The following GTPBP10 variants were observed in gnomAD, a reference collection of about 807,000 sequenced individuals.
The protein encoded by GTPBP10 is GTP binding protein 10.
In GTPBP10, 38 loss-of-function variants were observed where a neutral mutation model predicts 44.8. The observed-to-expected ratio is 0.85, with a 90% confidence interval of 0.65 to 1.11. The LOEUF is 1.11. Among genes scored for constraint, GTPBP10 ranks in the 50% most tolerant of loss-of-function variants. The pLI is 0.00. For missense variants in GTPBP10, 462 were observed against 453.7 expected, an observed-to-expected ratio of 1.02 and a Z score of -0.17; for synonymous variants, 152 against 150.6, an observed-to-expected ratio of 1.01 and a Z score of -0.07.
intron 4 of GTPBP10, among the ~76,000 whole-genome samples, chr7:90,366,064 G>GT (rs1264197064): frequency 2.0e-5 from 3 of 152,176 alleles, no homozygotes; most frequent in African/African-American, 7.2e-5. Context: ...GATGGATTAG[G>GT]TTTATTGATT....
At position 90,390,996 on chromosome 7, in the gene GTPBP10, A is replaced by G. The variant is rs1253144240; in HGVS notation, c.*5842A>G. 3 of 152,220 alleles carry G rather than the reference A, an allele frequency of 2.0e-5. No homozygotes were observed. The highest frequency in any genetic ancestry group is 7.2e-5 in the African/African-American group (3 of 41,464). 9.4% of individuals were successfully genotyped at this position (152,220 alleles called of 1,614,324 possible). A position where few individuals can be genotyped will look rare whatever the true frequency, so the allele number is the denominator to read the frequency against. On this transcript the variant is annotated 3_prime_UTR_variant, in exon 10 of 10. Transcript: ENST00000222511. Reference sequence around the variant, plus strand: ...TTGGATGGATTTGAAACATGATTAAATGACAGAGTAAATAAAAGCCCCTAG... The same window carrying G: ...TTGGATGGATTTGAAACATGATTAAGTGACAGAGTAAATAAAAGCCCCTAG...
chr7:90,388,139 G>T lies in GTPBP10; in HGVS notation c.*2985G>T, dbSNP rs1299466147. 6.6e-6 allele frequency: 1 copy of T among 152,084 alleles called. No individual in the cohort carries two copies. The highest frequency in any genetic ancestry group is 2.4e-5 in the African/African-American group (1 of 41,392). The allele number at this position is 152,084 out of a possible 1,614,324, so 9.4% of individuals were successfully genotyped here. On this transcript the variant is annotated 3_prime_UTR_variant, in exon 10 of 10. Coordinates refer to ENST00000222511, the MANE Select transcript of GTPBP10 (RefSeq NM_033107.4). ...TCTGGTTACTCAAAGTGTACTCTATGTACCTTTTTTTGACCTTTGATTTTT... is the reference window on the plus strand; with the variant it reads ...TCTGGTTACTCAAAGTGTACTCTATTTACCTTTTTTTGACCTTTGATTTTT...
chr7:90,351,265 T>G (rs1027410713), intron 1 of GTPBP10, among the ~76,000 whole-genome samples: 2 of 152,238 alleles, frequency 1.3e-5, no homozygotes, highest in African/African-American at 4.8e-5. Flanking sequence ...TGTGTAAGTT[T>G]TGATAAATTT....
chr7:90,357,743 G>C (rs1795933220), intron 4 of GTPBP10, among the ~76,000 whole-genome samples: 1 of 152,134 alleles, frequency 6.6e-6, no homozygotes, highest in Non-Finnish European at 1.5e-5. Flanking sequence ...ATATATGAAT[G>C]AGATTTAGCA....
intron 1 of GTPBP10, among the ~76,000 whole-genome samples, chr7:90,350,302 T>C (rs1795765388): frequency 6.6e-6 from 1 of 152,226 alleles, no homozygotes; most frequent in Non-Finnish European, 1.5e-5. Context: ...CAGTCTATCA[T>C]TGATGGACAT....
At chr7:90,352,248 C>A (rs17862153) in intron 1 of GTPBP10, among the ~76,000 whole-genome samples, 5,172 of 152,122 alleles carry the variant, frequency 0.034, 122 homozygotes, top group South Asian at 0.057. Flanking sequence ...AATATGTAAA[C>A]CATGGTTCTG....
intron 5 of GTPBP10, among the ~76,000 whole-genome samples, chr7:90,372,724 G>T (rs1796282178): frequency 6.6e-6 from 1 of 151,850 alleles, no homozygotes; most frequent in African/African-American, 2.4e-5. Context: ...TCGTTTATTT[G>T]GTTTAGTTAG....
At chr7:90,359,863 T>A (rs1206294798) in intron 4 of GTPBP10, among the ~76,000 whole-genome samples, 1 of 152,256 alleles carries the variant, frequency 6.6e-6, no homozygotes, top group Non-Finnish European at 1.5e-5. Context: ...TATCTCCTTG[T>A]GGTTTTGATT....
chr7:90,361,175 A>G (rs907325128), intron 4 of GTPBP10, among the ~76,000 whole-genome samples: 3 of 152,182 alleles, frequency 2.0e-5, no homozygotes, highest in Admixed American at 6.5e-5. Context: ...ACTATGTTGA[A>G]TAGAAGTGGC....
At chr7:90,356,033 C>A (rs1429851932) in intron 4 of GTPBP10, among the ~76,000 whole-genome samples, 1 of 146,240 alleles carries the variant, frequency 6.8e-6, no homozygotes, top group Non-Finnish European at 1.5e-5. Context: ...AGCTTAAGGA[C>A]AAGATAAGGA....
chr7:90,364,826 C>T (rs116181424), intron 4 of GTPBP10, among the ~76,000 whole-genome samples: 4,409 of 152,242 alleles, frequency 0.029, 214 homozygotes, highest in African/African-American at 0.099. Flanking sequence ...TCAGCAATGG[C>T]GGGCACCCCT....
chr7:90,356,909 G>C (rs1233697585), intron 4 of GTPBP10, among the ~76,000 whole-genome samples: 4 of 152,144 alleles, frequency 2.6e-5, no homozygotes. Context: ...AAATTTGTCT[G>C]TAATTAAAGC....
At chr7:90,380,910 A>G (rs930173200) in intron 8 of GTPBP10, among the ~76,000 whole-genome samples, 2 of 151,994 alleles carry the variant, frequency 1.3e-5, no homozygotes, top group Non-Finnish European at 1.5e-5. Context: ...TGCTTGGCTT[A>G]TTTCACTTAG....
rs1417950932 is a variant in GTPBP10 at position 90,386,700 on chromosome 7, C to A, written c.*1546C>A. 1.3e-5 allele frequency: 2 copies of A among 151,974 alleles called. No homozygotes were observed. The highest frequency in any genetic ancestry group is 4.8e-5 in the African/African-American group (2 of 41,318). 9.4% of individuals were successfully genotyped at this position (151,974 alleles called of 1,614,324 possible). Reference sequence around the variant, plus strand: ...CTCTCTATAAAACAGAAAACGCAAACTTTAATATTATCAACAATCAATATA... The same window carrying A: ...CTCTCTATAAAACAGAAAACGCAAAATTTAATATTATCAACAATCAATATA... On this transcript the variant is annotated 3_prime_UTR_variant, in exon 10 of 10. Transcript: ENST00000222511.
At chr7:90,353,303 C>A in intron 2 of GTPBP10, 1 of 217,326 alleles carries the variant, frequency 4.6e-6, no homozygotes, top group Non-Finnish European at 9.1e-6. Context: ...CTAAAATTAT[C>A]TTTGACAACC....
At chr7:90,350,570 G>A (rs1795771897) in intron 1 of GTPBP10, among the ~76,000 whole-genome samples, 1 of 152,144 alleles carries the variant, frequency 6.6e-6, no homozygotes, top group East Asian at 1.9e-4. Context: ...CATTCCTTTT[G>A]CTTTTAAGTT....
chr7:90,366,694 G>C (rs1400656249), intron 4 of GTPBP10, among the ~76,000 whole-genome samples: 3 of 148,718 alleles, frequency 2.0e-5, no homozygotes, highest in Non-Finnish European at 4.5e-5. Context: ...TTTTGCTAGC[G>C]GTCTATTTAT....
chr7:90,363,900 G>A (rs1796078181), intron 4 of GTPBP10, among the ~76,000 whole-genome samples: 1 of 152,146 alleles, frequency 6.6e-6, no homozygotes, highest in Admixed American at 6.5e-5. Context: ...TTCAGTCACT[G>A]ATACCCTTTC....
At chr7:90,353,538 TAATA>T (rs538614418) in intron 2 of GTPBP10, among the ~76,000 whole-genome samples, 46 of 152,352 alleles carry the variant, frequency 3.0e-4, no homozygotes, top group Non-Finnish European at 5.4e-4. Flanking sequence ...AATACCTGCA[TAATA>T]AATAACTATT....
Sources: gnomAD v4.1 joint callset for allele counts (sites outside exome capture counted in the v4.1 genomes callset) on GRCh38, gnomAD v4.1.1 for gene constraint, MANE v1.5 for transcripts, NCBI Gene and HGNC (gene_info 2026-07-23, HGNC 2026-07-21) for gene names.